KLHL20: variants seen among roughly 807,000 people sequenced by gnomAD.
The protein encoded by KLHL20 is kelch-like protein 20.
A neutral mutation model predicts 69.5 loss-of-function variants in KLHL20; 29 were observed. The observed-to-expected ratio is 0.42, with a 90% CI of 0.31 to 0.57. KLHL20 has a LOEUF of 0.57. Among genes scored for constraint, KLHL20 ranks in the 20% least tolerant of loss-of-function variants. The pLI, the probability that KLHL20 is intolerant of heterozygous loss-of-function variation, is 0.18. For missense variants in KLHL20, 419 were observed against 776.0 expected, an observed-to-expected ratio of 0.54 and a Z score of 5.47; for synonymous variants, 253 against 265.2, an observed-to-expected ratio of 0.95 and a Z score of 0.45.
intron 3 of KLHL20, among the ~76,000 whole-genome samples, chr1:173,744,963 T>C (rs1037449158): frequency 5.9e-5 from 9 of 152,140 alleles, no homozygotes; most frequent in African/African-American, 2.2e-4. Flanking sequence ...AGATGAACTT[T>C]AATGTCACCT....
intron 7 of KLHL20, among the ~76,000 whole-genome samples, chr1:173,765,330 C>T (rs977047083): frequency 2.0e-5 from 3 of 152,046 alleles, no homozygotes; most frequent in Non-Finnish European, 4.4e-5. Context: ...GGTGAAACCC[C>T]GTCTCTACTA....
intron 7 of KLHL20, among the ~76,000 whole-genome samples, chr1:173,764,491 A>G (rs550040081): frequency 2.0e-5 from 3 of 152,336 alleles, no homozygotes; most frequent in African/African-American, 7.2e-5. Context: ...CCGTCAATCA[A>G]TGAGTGGATA....
At chr1:173,740,183 G>A (rs1420501406) in intron 3 of KLHL20, among the ~76,000 whole-genome samples, 10 of 147,138 alleles carry the variant, frequency 6.8e-5, no homozygotes, top group African/African-American at 2.3e-4. Flanking sequence ...GTGCAGTGGC[G>A]CGATTTCGGC....
intron 2 of KLHL20, among the ~76,000 whole-genome samples, chr1:173,718,279 C>G (rs1417834103): frequency 1.3e-5 from 2 of 151,844 alleles, no homozygotes; most frequent in Non-Finnish European, 2.9e-5. Flanking sequence ...TGGCTCACAC[C>G]TGTAATCCCA....
At chr1:173,729,400 G>A (rs1672142687) in intron 2 of KLHL20, among the ~76,000 whole-genome samples, 2 of 152,162 alleles carry the variant, frequency 1.3e-5, no homozygotes, top group African/African-American at 4.8e-5. Flanking sequence ...TGATACCAAA[G>A]CTTGGCAGAG....
chr1:173,719,104 C>CAAA (rs751845202), intron 2 of KLHL20, among the ~76,000 whole-genome samples: 1 of 106,188 alleles, frequency 9.4e-6, no homozygotes, highest in Non-Finnish European at 1.8e-5. Flanking sequence ...GACTCCGTCT[C>CAAA]AAAAAAAAAA....
At chr1:173,778,486 G>T (rs1396527454) in intron 10 of KLHL20, among the ~76,000 whole-genome samples, 1 of 151,086 alleles carries the variant, frequency 6.6e-6, no homozygotes, top group Non-Finnish European at 1.5e-5. Context: ...ACACCATCAT[G>T]CCCAGCTAAT....
chr1:173,765,455 A>C (rs958225433), intron 7 of KLHL20, among the ~76,000 whole-genome samples: 1 of 152,010 alleles, frequency 6.6e-6, no homozygotes, highest in Admixed American at 6.5e-5. Flanking sequence ...GTGAGCCAAG[A>C]TCGTGCCACT....
intron 10 of KLHL20, among the ~76,000 whole-genome samples, chr1:173,781,051 G>A (rs1160324486): frequency 9.0e-6 from 1 of 111,548 alleles, no homozygotes; most frequent in Non-Finnish European, 2.2e-5. Flanking sequence ...GAGGGAGGGA[G>A]GTGGGGGAGG....
chr1:173,737,049 T>G (rs541199950), intron 3 of KLHL20, among the ~76,000 whole-genome samples: 1 of 152,382 alleles, frequency 6.6e-6, no homozygotes, highest in African/African-American at 2.4e-5. Flanking sequence ...CTATTGGTCT[T>G]TAGCCCACTT....
intron 7 of KLHL20, among the ~76,000 whole-genome samples, chr1:173,758,268 CA>C (rs941743452): frequency 6.7e-4 from 91 of 136,012 alleles, no homozygotes; most frequent in East Asian, 6.3e-4. Context: ...AAGACTCTCT[CA>C]AAAAAAAAAA....
At chr1:173,730,786 A>T (rs1046168511) in intron 2 of KLHL20, among the ~76,000 whole-genome samples, 7 of 152,198 alleles carry the variant, frequency 4.6e-5, no homozygotes, top group African/African-American at 1.7e-4. Context: ...AACCTAGGCA[A>T]TACCATTCAG....
At chr1:173,777,417 C>T (rs553872340) in intron 10 of KLHL20, among the ~76,000 whole-genome samples, 13 of 152,162 alleles carry the variant, frequency 8.5e-5, no homozygotes, top group African/African-American at 3.1e-4. Flanking sequence ...TCTTTTGTCC[C>T]ATTGCTCTAC....
At position 173,786,278 on chromosome 1, in the gene KLHL20, T is replaced by C. The variant is rs1012115856; in HGVS notation, c.*1031T>C. 3 of 152,646 alleles carry C rather than the reference T, an allele frequency of 2.0e-5. No homozygotes were observed. Among genetic ancestry groups the C allele is most frequent in the Admixed American group, 1.3e-4 (2 of 15,276 alleles). The allele number at this position is 152,646 out of a possible 1,614,324, so 9.5% of individuals were successfully genotyped here. A position where few individuals can be genotyped will look rare whatever the true frequency, so the allele number is the denominator to read the frequency against. On this transcript the variant is annotated 3_prime_UTR_variant, in exon 12 of 12. Coordinates refer to ENST00000209884, the MANE Select transcript of KLHL20 (RefSeq NM_014458.4). ...GTGTAAAATCAATTGAGGCATTTTATTAATATCTTGGTTCTTTTATACAAA... is the reference window on the plus strand; with the variant it reads ...GTGTAAAATCAATTGAGGCATTTTACTAATATCTTGGTTCTTTTATACAAA...
intron 5 of KLHL20, 98 bp downstream of exon 5, chr1:173,753,405 G>A (rs1460819840): frequency 1.6e-5 from 14 of 884,864 alleles, no homozygotes; most frequent in Non-Finnish European, 1.8e-6. Context: ...GTATTTTGCA[G>A]AGCTGAAACC....
chr1:173,731,394 GC>G (rs1672268308), intron 2 of KLHL20, among the ~76,000 whole-genome samples: 2 of 152,080 alleles, frequency 1.3e-5, no homozygotes. Flanking sequence ...TATAAATCAT[GC>G]TGCTATAAAG....
intron 2 of KLHL20, among the ~76,000 whole-genome samples, chr1:173,725,543 T>G (rs1410727584): frequency 2.0e-5 from 3 of 152,234 alleles, no homozygotes; most frequent in Non-Finnish European, 4.4e-5. Flanking sequence ...GCAGTGTTCA[T>G]CAAATTTGAG....
intron 3 of KLHL20, among the ~76,000 whole-genome samples, chr1:173,742,626 TAC>T (rs1165205033): frequency 1.3e-5 from 2 of 151,388 alleles, no homozygotes; most frequent in Non-Finnish European, 3.0e-5. Flanking sequence ...TGCAGATATA[TAC>T]ACATACGTGT....
intron 7 of KLHL20, among the ~76,000 whole-genome samples, chr1:173,758,701 G>A (rs2102509059): frequency 6.6e-6 from 1 of 152,336 alleles, no homozygotes; most frequent in Non-Finnish European, 1.5e-5. Context: ...AGGGGTAGAG[G>A]AAGCAGCAGA....
Sources: gnomAD v4.1 joint callset for allele counts (sites outside exome capture counted in the v4.1 genomes callset) on GRCh38, gnomAD v4.1.1 for gene constraint, MANE v1.5 for transcripts, NCBI Gene and HGNC (gene_info 2026-07-23, HGNC 2026-07-21) for gene names.